Variants in ZNF532 observed in about 807,000 individuals in gnomAD.
ZNF532 encodes zinc finger protein 532.
In ZNF532, 22 loss-of-function variants were observed where a neutral mutation model predicts 89.3. The observed-to-expected ratio is 0.25, with a 90% CI of 0.18 to 0.35. The LOEUF is 0.35. Ranked by LOEUF, ZNF532 falls within the 10% of genes least tolerant of loss-of-function variation. ZNF532 has a pLI of 1.00. For missense variants in ZNF532, 1,132 were observed against 1,643.4 expected (o/e 0.69, Z 5.38); for synonymous variants, 606 against 649.6 (o/e 0.93, Z 1.02).
chr18:58,963,700 G>A (rs1379766031), intron 7 of ZNF532, among the ~76,000 whole-genome samples: 1 of 150,786 alleles, frequency 6.6e-6, no homozygotes, highest in Admixed American at 6.7e-5. Context: ...GCTCACGCCT[G>A]TAATCCTAAC....
At chr18:58,970,710 A>G (rs1176932795) in intron 7 of ZNF532, among the ~76,000 whole-genome samples, 2 of 152,252 alleles carry the variant, frequency 1.3e-5, no homozygotes, top group Non-Finnish European at 2.9e-5. Context: ...GCACGAGGGT[A>G]TTGACCCAAG....
chr18:58,884,242 C>T (rs35731959), intron 2 of ZNF532, among the ~76,000 whole-genome samples: 34,113 of 152,088 alleles, frequency 0.22, 4,416 homozygotes, highest in Middle Eastern at 0.41. Flanking sequence ...TAGCTGGGTG[C>T]GCTGGGCGCG....
chr18:58,877,024 C>T (rs976462727), intron 2 of ZNF532, among the ~76,000 whole-genome samples: 4 of 151,774 alleles, frequency 2.6e-5, no homozygotes, highest in African/African-American at 9.7e-5. Flanking sequence ...CACACTACTG[C>T]ACTTCAGCCT....
At chr18:58,939,378 C>A in intron 4 of ZNF532, 67 bp from the exon 5 acceptor site, 1 of 1,403,808 alleles carries the variant, frequency 7.1e-7, no homozygotes, top group Non-Finnish European at 9.6e-7. Flanking sequence ...TTCATCTCAC[C>A]CAGTTTTTGC....
chr18:58,913,702 A>G lies in ZNF532; in HGVS notation c.-17-4569A>G, dbSNP rs148838219. 2.0e-3 allele frequency among the ~76,000 whole-genome samples: 304 copies of G among 152,342 alleles called. 1 individual carries two copies. The highest frequency in any genetic ancestry group is 3.1e-3 in the Non-Finnish European group (210 of 68,030). ...TGGCCAGATAGTGCTAGAAAATAAG[A>G]CTGGGAATCCCAAAGCAGACCTTGT... On this transcript the variant is annotated intron_variant, in intron 2 of 9. Coordinates refer to ENST00000591808, the MANE Select transcript of ZNF532 (RefSeq NM_001375912.1).
At chr18:58,906,286 A>G (rs996491627) in intron 2 of ZNF532, among the ~76,000 whole-genome samples, 2 of 152,140 alleles carry the variant, frequency 1.3e-5, no homozygotes, top group Admixed American at 1.3e-4. Context: ...TTATTCCATC[A>G]TTTATATCAG....
chr18:58,973,855 G>A (rs1363756298), intron 7 of ZNF532, among the ~76,000 whole-genome samples: 2 of 152,170 alleles, frequency 1.3e-5, no homozygotes, highest in Non-Finnish European at 2.9e-5. Flanking sequence ...AATTATATGT[G>A]TATTATGCTG....
intron 3 of ZNF532, among the ~76,000 whole-genome samples, chr18:58,921,247 T>G (rs1258167510): frequency 3.3e-5 from 5 of 152,164 alleles, no homozygotes; most frequent in Non-Finnish European, 5.9e-5. Flanking sequence ...AAGTCTGAGA[T>G]TTAGCGGATT....
At chr18:58,952,176 G>A (rs2064274091) in intron 6 of ZNF532, among the ~76,000 whole-genome samples, 1 of 152,236 alleles carries the variant, frequency 6.6e-6, no homozygotes, top group African/African-American at 2.4e-5. Flanking sequence ...AAGAAGGAAT[G>A]TGGAGCTGAG....
intron 3 of ZNF532, among the ~76,000 whole-genome samples, chr18:58,931,023 TTGAAA>T (rs1162603037): frequency 6.6e-6 from 1 of 152,184 alleles, no homozygotes; most frequent in African/African-American, 2.4e-5. Context: ...GTATTACCTA[TTGAAA>T]AGTAATGTTT....
intron 2 of ZNF532, among the ~76,000 whole-genome samples, chr18:58,907,246 C>T (rs1202254396): frequency 6.6e-6 from 1 of 151,968 alleles, no homozygotes; most frequent in Non-Finnish European, 1.5e-5. Context: ...GGTGCAGTGG[C>T]ATGATCTCGG....
intron 3 of ZNF532, among the ~76,000 whole-genome samples, chr18:58,922,246 A>G (rs1022167757): frequency 1.6e-4 from 24 of 152,186 alleles, no homozygotes; most frequent in Admixed American, 1.4e-3. Flanking sequence ...TATTTTGTTA[A>G]TTAATTAGGA....
At chr18:58,867,103 T>C (rs1401284818) in intron 2 of ZNF532, among the ~76,000 whole-genome samples, 1 of 152,294 alleles carries the variant, frequency 6.6e-6, no homozygotes, top group African/African-American at 2.4e-5. Flanking sequence ...TGATAAACCT[T>C]AATTAGCTTA....
In ZNF532 at chr18:58,918,994, A is replaced by G. The variant is rs1270803295; in HGVS notation, c.707A>G (p.Glu236Gly). 2.5e-6 allele frequency: 4 copies of G among 1,613,388 alleles called. No homozygotes were observed. Among genetic ancestry groups the G allele is most frequent in the Admixed American group, 3.3e-5 (2 of 60,006 alleles). Reference protein sequence around the residue: ...KLKESSDKVLENRVLDGKLSS... With the variant: ...KLKESSDKVLGNRVLDGKLSS... ...AAGGAAAGCTCTGACAAGGTGCTGGAAAACAGAGTCCTAGATGGGAAGCTG... is the reference window on the plus strand; with the variant it reads ...AAGGAAAGCTCTGACAAGGTGCTGGGAAACAGAGTCCTAGATGGGAAGCTG... Residue 236 changes from glutamate (E) to glycine (G), a missense_variant, in exon 3 of 10, where the codon GAA (glutamate) becomes GGA (glycine). Glu to Gly is a moderately conservative substitution (Grantham distance 98, BLOSUM62 -2). Coordinates refer to ENST00000591808, the MANE Select transcript of ZNF532 (RefSeq NM_001375912.1).
chr18:58,878,172 T>C (rs1202059893), intron 2 of ZNF532, among the ~76,000 whole-genome samples: 2 of 152,006 alleles, frequency 1.3e-5, no homozygotes, highest in Non-Finnish European at 2.9e-5. Context: ...GGAGAATCAC[T>C]TGAACCTGGG....
chr18:58,889,484 A>G (rs1048569470), intron 2 of ZNF532, among the ~76,000 whole-genome samples: 1 of 152,202 alleles, frequency 6.6e-6, no homozygotes, highest in African/African-American at 2.4e-5. Context: ...ATTTTTCCAG[A>G]AGTGGAGTGG....
intron 5 of ZNF532, among the ~76,000 whole-genome samples, chr18:58,942,406 CCTAA>C (rs1283001059): frequency 2.9e-5 from 4 of 140,006 alleles, no homozygotes; most frequent in African/African-American, 5.5e-5. Context: ...TTCCTTCCTT[CCTAA>C]GTGCAAGCCT....
intron 5 of ZNF532, among the ~76,000 whole-genome samples, chr18:58,945,340 G>T (rs1227543426): frequency 2.6e-5 from 4 of 152,194 alleles, no homozygotes; most frequent in Admixed American, 1.3e-4. Context: ...GGGGGCAAGG[G>T]CGACATCCAC....
intron 2 of ZNF532, among the ~76,000 whole-genome samples, chr18:58,901,483 A>G (rs1462328004): frequency 1.3e-5 from 2 of 152,184 alleles, no homozygotes; most frequent in African/African-American, 2.4e-5. Flanking sequence ...TCAGAAGTAG[A>G]GGCTGTGGGC....
Sources: gnomAD v4.1 joint callset for allele counts (sites outside exome capture counted in the v4.1 genomes callset) on GRCh38, gnomAD v4.1.1 for gene constraint, MANE v1.5 for transcripts, NCBI Gene and HGNC (gene_info 2026-07-23, HGNC 2026-07-21) for gene names.